ADGRV1: variants seen among roughly 807,000 people sequenced by gnomAD.
The protein encoded by ADGRV1 is G-protein coupled receptor 98.
ADGRV1 carries 359 observed loss-of-function variants against 596.2 expected under a neutral mutation model. That is an observed-to-expected ratio of 0.60 (90% CI 0.55 to 0.66). ADGRV1 has a LOEUF of 0.66. Among genes scored for constraint, ADGRV1 ranks in the 30% least tolerant of loss-of-function variants. The pLI, the probability that ADGRV1 is intolerant of heterozygous loss-of-function variation, is 0.00. For missense variants in ADGRV1, 7,274 were observed against 7,575.6 expected (o/e 0.96, Z 1.48); for synonymous variants, 2,681 against 2,679.2 (o/e 1.00, Z -0.02).
At chr5:90,947,905 G>C (rs1776731393) in intron 83 of ADGRV1, among the ~76,000 whole-genome samples, 1 of 152,074 alleles carries the variant, frequency 6.6e-6, no homozygotes, top group African/African-American at 2.4e-5. Flanking sequence ...ATAAAATGCA[G>C]ATGAGTTTTA....
At chr5:90,722,956 T>C (rs1489357331) in intron 45 of ADGRV1, among the ~76,000 whole-genome samples, 1 of 151,936 alleles carries the variant, frequency 6.6e-6, no homozygotes, top group African/African-American at 2.4e-5. Context: ...TTAGGGGACC[T>C]GGTAGGAAAC....
In ADGRV1 at chr5:90,723,343, T is replaced by G. The variant is rs577315073; in HGVS notation, c.9749-1489T>G. 2.0e-5 allele frequency among the ~76,000 whole-genome samples: 3 copies of G among 152,164 alleles called. No homozygotes were observed. The East Asian group carries it at 5.8e-4, about 29-fold the overall frequency. On this transcript the variant is annotated intron_variant, in intron 45 of 89. Transcript: ENST00000405460. ...GAAAAGGTAGAGAAATGTTAAATATTTAGAAGAAAAAGGAGATAATTAATA... is the reference window on the plus strand; with the variant it reads ...GAAAAGGTAGAGAAATGTTAAATATGTAGAAGAAAAAGGAGATAATTAATA...
chr5:90,976,518 A>G (rs1779629530), intron 84 of ADGRV1, among the ~76,000 whole-genome samples: 1 of 151,744 alleles, frequency 6.6e-6, no homozygotes, highest in South Asian at 2.1e-4. Context: ...GTGTCCTTGA[A>G]CACCCTTGCA....
At chr5:90,614,163 AAAAAAAAAAG>A in intron 1 of ADGRV1, 2 of 370,810 alleles carry the variant, frequency 5.4e-6, no homozygotes, top group Non-Finnish European at 1.0e-5. Context: ...GTGAAAAAAA[AAAAAAAAAAG>A]AAAGTTGTCA....
At chr5:90,973,481 G>A (rs972883971) in intron 84 of ADGRV1, among the ~76,000 whole-genome samples, 15 of 152,158 alleles carry the variant, frequency 9.9e-5, no homozygotes, top group African/African-American at 3.4e-4. Context: ...GAATCCAGCA[G>A]CACATTAAAA....
intron 2 of ADGRV1, among the ~76,000 whole-genome samples, chr5:90,615,229 T>G (rs771062187): frequency 6.6e-6 from 1 of 151,946 alleles, no homozygotes; most frequent in African/African-American, 2.4e-5. Flanking sequence ...GTACTATTTT[T>G]AAAGATATAG....
chr5:91,129,045 A>G (rs576518071), intron 87 of ADGRV1, among the ~76,000 whole-genome samples: 9 of 152,358 alleles, frequency 5.9e-5, no homozygotes, highest in East Asian at 5.8e-4. Context: ...TAAGAAATCA[A>G]TGCATACTTG....
At position 90,734,946 on chromosome 5, in the gene ADGRV1, T is replaced by C. The variant is rs559126482; in HGVS notation, c.10549+5182T>C. 4.6e-4 allele frequency among the ~76,000 whole-genome samples: 70 copies of C among 152,374 alleles called. 1 individual carries two copies. Among genetic ancestry groups the C allele is most frequent in the Non-Finnish European group, 7.5e-4 (51 of 68,046 alleles). ...GGATATTAACCATTTATCAGATAGCTGTATGGGTTTAAAATGTTTTTTCCC... is the reference window on the plus strand; with the variant it reads ...GGATATTAACCATTTATCAGATAGCCGTATGGGTTTAAAATGTTTTTTCCC... On this transcript the variant is annotated intron_variant, in intron 50 of 89. Transcript: ENST00000405460.
intron 85 of ADGRV1, among the ~76,000 whole-genome samples, chr5:91,041,806 C>A (rs140599109): frequency 3.7e-4 from 57 of 152,212 alleles, no homozygotes; most frequent in African/African-American, 1.2e-3. Context: ...AATATAATCT[C>A]TACCTTCATA....
At chr5:90,662,187 C>T (rs370064209) in intron 21 of ADGRV1, among the ~76,000 whole-genome samples, 5 of 130,854 alleles carry the variant, frequency 3.8e-5, no homozygotes, top group Admixed American at 7.9e-5. Flanking sequence ...GGTTAAACAA[C>T]TTTTTTTTTT....
At chr5:90,899,729 C>G (rs935201252) in intron 83 of ADGRV1, among the ~76,000 whole-genome samples, 8 of 148,666 alleles carry the variant, frequency 5.4e-5, no homozygotes, top group African/African-American at 1.9e-4. Context: ...TTAGTTTTCT[C>G]TAGGCCTTGC....
chr5:90,927,750 G>A (rs1581539409), intron 83 of ADGRV1, among the ~76,000 whole-genome samples: 1 of 152,128 alleles, frequency 6.6e-6, no homozygotes. Context: ...ATTTTGGCTT[G>A]ATTTTGCAGT....
chr5:90,890,149 A>G (rs1770671475), intron 83 of ADGRV1, among the ~76,000 whole-genome samples: 1 of 152,190 alleles, frequency 6.6e-6, no homozygotes, highest in East Asian at 1.9e-4. Context: ...TATTTTAGCT[A>G]TTGAAAATAA....
At position 90,753,842 on chromosome 5, in the gene ADGRV1, A is replaced by C; in HGVS notation, c.11377+13A>C. 1 of 1,563,726 alleles carries C rather than the reference A, an allele frequency of 6.4e-7. No homozygotes were observed. Among genetic ancestry groups the C allele is most frequent in the Non-Finnish European group, 8.7e-7 (1 of 1,151,992 alleles). On this transcript the variant is annotated intron_variant, in intron 54 of 89. Transcript: ENST00000405460. ...GCAGAGCCTAAAGGTAAATATTGTT[A>C]AATATCTTTCAAGTTTTAATGAGAA...
intron 83 of ADGRV1, among the ~76,000 whole-genome samples, chr5:90,877,841 A>G (rs986743089): frequency 6.6e-6 from 1 of 152,052 alleles, no homozygotes; most frequent in African/African-American, 2.4e-5. Flanking sequence ...TTAAATTTAT[A>G]TAAAAATATT....
chr5:91,098,186 T>C (rs1791043411), intron 86 of ADGRV1, among the ~76,000 whole-genome samples: 1 of 152,148 alleles, frequency 6.6e-6, no homozygotes, highest in Non-Finnish European at 1.5e-5. Context: ...TTAGGAAATA[T>C]AAAACCAAAG....
Position 90,627,723 on chromosome 5 carries a change from C to T in ADGRV1, c.1185C>T (p.Phe395=), listed in dbSNP as rs1764956897. The T allele has an allele frequency of 1.3e-6, 2 of 1,597,796 alleles. No individual in the cohort carries two copies. The highest frequency in any genetic ancestry group is 8.5e-7 in the Non-Finnish European group (1 of 1,171,844). The change falls in exon 7 of 90, where the codon TTC becomes TTT. Residue 395 remains phenylalanine, a synonymous_variant. Coordinates refer to ENST00000405460, the MANE Select transcript of ADGRV1 (RefSeq NM_032119.4). ...PNDKPYGVLS[F]NSVLFERTVI... Reference sequence around the variant, plus strand: ...ATAAACCTTATGGAGTCCTTTCATTCAACAGTGTTTTGTTTGAAAGGACAG... The same window carrying T: ...ATAAACCTTATGGAGTCCTTTCATTTAACAGTGTTTTGTTTGAAAGGACAG...
At chr5:90,854,968 T>G (rs1402758769) in intron 81 of ADGRV1, among the ~76,000 whole-genome samples, 1 of 152,182 alleles carries the variant, frequency 6.6e-6, no homozygotes, top group Non-Finnish European at 1.5e-5. Flanking sequence ...AAAACAAATC[T>G]TAAACCTAAT....
chr5:90,994,095 T>C (rs1459875546), intron 85 of ADGRV1, among the ~76,000 whole-genome samples: 2 of 151,590 alleles, frequency 1.3e-5, no homozygotes, highest in East Asian at 3.9e-4. Flanking sequence ...TTCGCTCTTG[T>C]CATCCAGGCT....
Sources: gnomAD v4.1 joint callset for allele counts (sites outside exome capture counted in the v4.1 genomes callset) on GRCh38, gnomAD v4.1.1 for gene constraint, MANE v1.5 for transcripts, NCBI Gene and HGNC (gene_info 2026-07-23, HGNC 2026-07-21) for gene names.